MAP3K2: variants seen among roughly 807,000 people sequenced by gnomAD.
The protein encoded by MAP3K2 is mitogen-activated protein kinase kinase kinase 2.
MAP3K2 carries 24 observed loss-of-function variants against 80.3 expected under a neutral mutation model. The observed-to-expected ratio is 0.30, with a 90% confidence interval of 0.22 to 0.42. The LOEUF is 0.42. MAP3K2 is among the 10% of genes least tolerant of loss of function. MAP3K2 has a pLI of 1.00. For missense variants in MAP3K2, 608 were observed against 750.1 expected (o/e 0.81, Z 2.21); for synonymous variants, 244 against 253.7 (o/e 0.96, Z 0.36).
chr2:127,346,324 C>T (rs185530973), intron 1 of MAP3K2, among the ~76,000 whole-genome samples: 72 of 141,650 alleles, frequency 5.1e-4, no homozygotes, highest in Non-Finnish European at 9.6e-4. Context: ...AGTAAAAAGA[C>T]TAAATTAGAA....
chr2:127,328,970 G>T (rs1351008454), intron 7 of MAP3K2, among the ~76,000 whole-genome samples: 2 of 152,092 alleles, frequency 1.3e-5, no homozygotes, highest in Non-Finnish European at 2.9e-5. Flanking sequence ...TTATACCAGC[G>T]GTTTTTTGAA....
chr2:127,366,035 C>G (rs1343687661), intron 1 of MAP3K2, among the ~76,000 whole-genome samples: 1 of 152,190 alleles, frequency 6.6e-6, no homozygotes, highest in Non-Finnish European at 1.5e-5. Context: ...CATTTGGTCT[C>G]CAATTTGACT....
At chr2:127,336,420 A>G (rs1020344372) in intron 4 of MAP3K2, among the ~76,000 whole-genome samples, 5 of 152,226 alleles carry the variant, frequency 3.3e-5, no homozygotes, top group African/African-American at 1.2e-4. Context: ...TATATCATGT[A>G]GGCATACTTC....
At chr2:127,340,428 G>A (rs914329714) in intron 2 of MAP3K2, among the ~76,000 whole-genome samples, 1 of 152,122 alleles carries the variant, frequency 6.6e-6, no homozygotes, top group African/African-American at 2.4e-5. Flanking sequence ...GGAGGCCGAG[G>A]GGGGCAGATC....
intron 1 of MAP3K2, among the ~76,000 whole-genome samples, chr2:127,347,056 C>T (rs950601086): frequency 1.3e-5 from 2 of 151,980 alleles, no homozygotes; most frequent in South Asian, 2.1e-4. Context: ...ACAGAAAACA[C>T]ATGTGCCAAA....
intron 1 of MAP3K2, among the ~76,000 whole-genome samples, chr2:127,357,161 C>T (rs1574000222): frequency 6.6e-6 from 1 of 152,104 alleles, no homozygotes; most frequent in African/African-American, 2.4e-5. Flanking sequence ...AATCAAAGAC[C>T]TATAAATTGA....
intron 1 of MAP3K2, among the ~76,000 whole-genome samples, chr2:127,349,300 A>G (rs961876338): frequency 1.3e-5 from 2 of 152,002 alleles, no homozygotes; most frequent in African/African-American, 4.8e-5. Flanking sequence ...AGCTGGGACT[A>G]CAGGTACGCA....
chr2:127,348,118 C>T (rs1355269205), intron 1 of MAP3K2, among the ~76,000 whole-genome samples: 1 of 152,080 alleles, frequency 6.6e-6, no homozygotes, highest in African/African-American at 2.4e-5. Flanking sequence ...TGGTGGCTTA[C>T]AGATTACATC....
rs1018912305 is a variant in MAP3K2, at chr2:127,359,810, C to T, written c.-65-16616G>A. Among the ~76,000 whole-genome samples, 7 of 152,176 alleles carry T rather than the reference C, an allele frequency of 4.6e-5. No individual in the cohort carries two copies. The South Asian group carries it at 8.3e-4, about 18-fold the overall frequency. On this transcript the variant is annotated intron_variant, in intron 1 of 16. Coordinates refer to ENST00000682094, the MANE Select transcript of MAP3K2 (RefSeq NM_001371910.2). ...CCATGTGAAGTGCTGGCTCCCCCTT[C>T]GCCTTCTGCCATGATTTTAAGTTTC...
At chr2:127,358,051 G>GA (rs1396219252) in intron 1 of MAP3K2, among the ~76,000 whole-genome samples, 5 of 151,794 alleles carry the variant, frequency 3.3e-5, no homozygotes, top group South Asian at 2.1e-4. Context: ...CAGACTACGA[G>GA]AAAAAATGTA....
At chr2:127,384,404 T>C (rs1263159578) in intron 1 of MAP3K2, among the ~76,000 whole-genome samples, 2 of 152,056 alleles carry the variant, frequency 1.3e-5, no homozygotes, top group African/African-American at 4.8e-5. Context: ...GCAAAGTAAA[T>C]TGAAAACCTT....
chr2:127,323,773 G>A (rs1389197473), intron 11 of MAP3K2, 129 bp downstream of exon 11: 2 of 480,608 alleles, frequency 4.2e-6, no homozygotes, highest in Non-Finnish European at 3.7e-6. Context: ...TTATACTTTT[G>A]TTATAACACA....
rs1685541793 is a variant in MAP3K2, at chr2:127,299,156, C to T, written c.*8423G>A. Reference sequence around the variant, plus strand: ...CCTTTTAACATAATAAGCTTAGTGACATTCAACTTCAACAGTGGACTTTAT... The same window carrying T: ...CCTTTTAACATAATAAGCTTAGTGATATTCAACTTCAACAGTGGACTTTAT... On this transcript the variant is annotated 3_prime_UTR_variant, in exon 17 of 17. Transcript: ENST00000682094. The T allele has an allele frequency of 1.3e-5, 2 of 152,152 alleles. No homozygotes were observed. Among genetic ancestry groups the T allele is most frequent in the Non-Finnish European group, 2.9e-5 (2 of 68,008 alleles). 9.4% of individuals were successfully genotyped at this position (152,152 alleles called of 1,614,324 possible). A position where few individuals can be genotyped will look rare whatever the true frequency, so the allele number is the denominator to read the frequency against.
At chr2:127,353,163 GTC>G (rs1490060686) in intron 1 of MAP3K2, among the ~76,000 whole-genome samples, 1 of 149,540 alleles carries the variant, frequency 6.7e-6, no homozygotes, top group African/African-American at 2.5e-5. Flanking sequence ...GCCGCCCATC[GTC>G]TGGGATGTGA....
chr2:127,328,265 ACT>A (rs575246678), intron 7 of MAP3K2, among the ~76,000 whole-genome samples: 12 of 152,198 alleles, frequency 7.9e-5, no homozygotes, highest in East Asian at 3.8e-4. Flanking sequence ...ACGGAGTGAG[ACT>A]CTGTCTCAAA....
Position 127,302,676 on chromosome 2 carries a change from G to A in MAP3K2, c.*4903C>T, listed in dbSNP as rs1456355319. On this transcript the variant is annotated 3_prime_UTR_variant, in exon 17 of 17. Transcript: ENST00000682094. Reference sequence around the variant, plus strand: ...AAAACAAGTATTGTAACTCTACCATGAAAATCATAACTGAACTATAATATG... The same window carrying A: ...AAAACAAGTATTGTAACTCTACCATAAAAATCATAACTGAACTATAATATG... 1 of 152,124 alleles carries A rather than the reference G, an allele frequency of 6.6e-6. No individual in the cohort carries two copies. The highest frequency in any genetic ancestry group is 1.5e-5 in the Non-Finnish European group (1 of 68,028). The allele number at this position is 152,124 out of a possible 1,614,324, so 9.4% of individuals were successfully genotyped here.
rs1685720636 is a variant in MAP3K2 at position 127,307,350 on chromosome 2, A to C, written c.*229T>G. On this transcript the variant is annotated 3_prime_UTR_variant, in exon 17 of 17. Transcript: ENST00000682094. The surrounding 1 kb of genome is among the most constrained non-coding windows in gnomAD (Gnocchi z 5.4). The stretch of plus-strand genomic sequence containing the variant: ...TGAACCACATCAGTACATTATAAAA[A>C]TTAAAAAAAAAAACTTCAAGTTCTT... The C allele has an allele frequency of 6.8e-6, 2 of 295,832 alleles. No homozygotes were observed. Among genetic ancestry groups the C allele is most frequent in the African/African-American group, 2.2e-5 (1 of 45,394 alleles). 18.3% of individuals were successfully genotyped at this position (295,832 alleles called of 1,614,324 possible).
In MAP3K2 at chr2:127,305,080, G is replaced by GA. The variant is rs201253175; in HGVS notation, c.*2498dup. ...GCATTTAGAAAAGAAAACAGAGACT[G>GA]AAAAAAAAACAGTTTTGCTCTGGGT... On this transcript the variant is annotated 3_prime_UTR_variant, in exon 17 of 17. Coordinates refer to ENST00000682094, the MANE Select transcript of MAP3K2 (RefSeq NM_001371910.2). The GA allele has an allele frequency of 0.029, 4,321 of 147,814 alleles. 80 individuals carry two copies. Among genetic ancestry groups the GA allele is most frequent in the African/African-American group, 0.04 (1,598 of 40,166 alleles). The allele number at this position is 147,814 out of a possible 1,614,324, so 9.2% of individuals were successfully genotyped here. A position where few individuals can be genotyped will look rare whatever the true frequency, so the allele number is the denominator to read the frequency against.
At chr2:127,331,790 G>A (rs757353143) in intron 5 of MAP3K2, among the ~76,000 whole-genome samples, 3 of 152,188 alleles carry the variant, frequency 2.0e-5, no homozygotes, top group Non-Finnish European at 4.4e-5. Flanking sequence ...ATTTTTAGCA[G>A]AGACAGGGTT....
Sources: gnomAD v4.1 joint callset for allele counts (sites outside exome capture counted in the v4.1 genomes callset) on GRCh38, gnomAD v4.1.1 for gene constraint, Gnocchi (gnomAD v3.1) non-coding constraint, MANE v1.5 for transcripts, NCBI Gene and HGNC (gene_info 2026-07-23, HGNC 2026-07-21) for gene names.